SPTB: variants seen among roughly 807,000 people sequenced by gnomAD.
SPTB encodes the protein spectrin beta chain, erythrocytic.
In SPTB, 45 loss-of-function variants were observed where a neutral mutation model predicts 256.2. The observed-to-expected ratio is 0.18, with a 90% CI of 0.14 to 0.23. The LOEUF (loss-of-function observed/expected upper bound fraction) is 0.23, where lower values mean the gene tolerates loss of function less well. SPTB is among the 10% of genes least tolerant of loss of function. The pLI is 1.00. For synonymous variants in SPTB, 1,231 were observed against 1,243.1 expected (o/e 0.99, Z 0.21); for missense variants, 2,715 against 3,040.4 (o/e 0.89, Z 2.52).
At chr14:64,805,933 G>A (rs940663895) in intron 2 of SPTB, among the ~76,000 whole-genome samples, 3 of 152,166 alleles carry the variant, frequency 2.0e-5, no homozygotes, top group Non-Finnish European at 2.9e-5. Flanking sequence ...TCAGCCCTGG[G>A]AAGGTGACAT....
At chr14:64,877,699 T>G (rs920008720) in intron 1 of SPTB, among the ~76,000 whole-genome samples, 2 of 152,220 alleles carry the variant, frequency 1.3e-5, no homozygotes, top group Admixed American at 6.5e-5. Flanking sequence ...GAATAAAAGC[T>G]ATTATTATTT....
rs74666863 is a variant in SPTB, at chr14:64,801,792, C to A, written c.609G>T (p.Lys203Asn). Residue 203 changes from lysine to asparagine, a missense_variant, in exon 6 of 36, where the codon AAG becomes AAT. Transcript: ENST00000644917. ...VNVTNFTSSW[K>N]DGLAFNALIH... Reference sequence around the variant, plus strand: ...TCAGGGCATTAAAGGCCAAGCCATCCTTCCAGCTGGAGGTAAAGTTGGTGA... The same window carrying A: ...TCAGGGCATTAAAGGCCAAGCCATCATTCCAGCTGGAGGTAAAGTTGGTGA... 15 of 1,614,222 alleles carry A rather than the reference C, an allele frequency of 9.3e-6. No homozygotes were observed. The highest frequency in any genetic ancestry group is 1.2e-5 in the Non-Finnish European group (14 of 1,180,042).
intron 32 of SPTB, chr14:64,766,363 AGGAC>A (rs2082182176): frequency 1.6e-6 from 2 of 1,261,484 alleles, no homozygotes; most frequent in Non-Finnish European, 2.0e-6. Context: ...AATGGGGAAA[AGGAC>A]GGTGTACAGA....
Position 64,771,037 on chromosome 14 carries a change from A to C in SPTB, c.5646T>G (p.Ser1882=), listed in dbSNP as rs1376992583. The C allele has an allele frequency of 4.3e-6, 7 of 1,614,178 alleles. No individual in the cohort carries two copies. The highest frequency in any genetic ancestry group is 1.7e-6 in the Non-Finnish European group (2 of 1,180,048). ...CATCGAGCAGCGCCTGCCACGCGGC[A>C]GACACCTCCTGCTCCTTGTTCTGGA... ...EAIQNKEQEV[S]AAWQALLDAC... is the part of the protein sequence containing the mutation. The change falls in exon 27 of 36, where the codon TCT becomes TCG. Residue 1882 remains serine (S), a synonymous_variant. Transcript: ENST00000644917.
Position 64,795,300 on chromosome 14 carries a change from A to G in SPTB, c.1644+37T>C. On this transcript the variant is annotated intron_variant, in intron 12 of 35. Coordinates refer to ENST00000644917, the MANE Select transcript of SPTB (RefSeq NM_001355436.2). The surrounding 1 kb of genome is among the most constrained non-coding windows in gnomAD (Gnocchi z 6.5). Reference sequence around the variant, plus strand: ...AGGGCCACTGAGACCCAAGGTGAGCACTGCAGGGCATGGCGGGGGCGGCCC... The same window carrying G: ...AGGGCCACTGAGACCCAAGGTGAGCGCTGCAGGGCATGGCGGGGGCGGCCC... The G allele has an allele frequency of 1.2e-6, 2 of 1,602,632 alleles. No individual in the cohort carries two copies. The highest frequency in any genetic ancestry group is 1.7e-6 in the Non-Finnish European group (2 of 1,179,304).
rs1695769 is a variant in SPTB at position 64,748,447 on chromosome 14, G to A, written c.*859C>T. ...GGAGAGCCTTAGGCAGTGTTGTGAC[G>A]CACCTGTCACTCCTTCAGATCAGAG... On this transcript the variant is annotated 3_prime_UTR_variant, in exon 36 of 36. Transcript: ENST00000644917. 0.14 allele frequency: 21,356 copies of A among 152,244 alleles called. 1,749 individuals carry two copies. Among genetic ancestry groups the A allele is most frequent in the African/African-American group, 0.22 (9,256 of 41,466 alleles). 9.4% of individuals were successfully genotyped at this position (152,244 alleles called of 1,614,324 possible). A position where few individuals can be genotyped will look rare whatever the true frequency, so the allele number is the denominator to read the frequency against.
chr14:64,773,065 T>G, intron 25 of SPTB, 111 bp from the exon 26 acceptor site: 2 of 1,559,262 alleles, frequency 1.3e-6, no homozygotes, highest in Non-Finnish European at 1.7e-6. Flanking sequence ...GGAGCTGCGC[T>G]GTCACACCTT....
rs558689732 is a variant in SPTB at position 64,822,623 on chromosome 14, C to G, written c.148+324G>C. 3.3e-5 allele frequency among the ~76,000 whole-genome samples: 5 copies of G among 152,202 alleles called. No homozygotes were observed. In the South Asian group the frequency reaches 1.0e-3, roughly 32 times the overall value. On this transcript the variant is annotated intron_variant, in intron 2 of 35. Transcript: ENST00000644917. ...AACCAGGAGGCCCTGTGAACCTGCGCCCGGCTGTCCAGCCCTCAGACACTG... is the reference window on the plus strand; with the variant it reads ...AACCAGGAGGCCCTGTGAACCTGCGGCCGGCTGTCCAGCCCTCAGACACTG...
chr14:64,801,454 A>C, intron 6 of SPTB, 54 bp from the exon 7 acceptor site: 1 of 1,314,522 alleles, frequency 7.6e-7, no homozygotes, highest in Non-Finnish European at 1.1e-6. Flanking sequence ...CCCCACCAGG[A>C]GGGCAGCCCT....
Position 64,779,590 on chromosome 14 carries a change from A to T in SPTB, c.4473+135T>A. 1.1e-6 allele frequency: 1 copy of T among 920,052 alleles called. No individual in the cohort carries two copies. The highest frequency in any genetic ancestry group is 1.8e-6 in the Non-Finnish European group (1 of 559,540). The allele number at this position is 920,052 out of a possible 1,614,324, so 57.0% of individuals were successfully genotyped here. ...GAGCTTTCCATTTAATGTAATCCTCACAAGAACCCTATGAGATAAGGGGTG... is the reference window on the plus strand; with the variant it reads ...GAGCTTTCCATTTAATGTAATCCTCTCAAGAACCCTATGAGATAAGGGGTG... On this transcript the variant is annotated intron_variant, in intron 21 of 35. Coordinates refer to ENST00000644917, the MANE Select transcript of SPTB (RefSeq NM_001355436.2). This position sits in a 1 kb window ranked among gnomAD's most constrained non-coding sequence, Gnocchi z 4.2.
chr14:64,879,104 G>A (rs190692701), intron 1 of SPTB, among the ~76,000 whole-genome samples: 57 of 152,336 alleles, frequency 3.7e-4, no homozygotes, highest in Admixed American at 1.6e-3. Context: ...AGGAGGGTGA[G>A]GGTAGAGTAG....
intron 12 of SPTB, among the ~76,000 whole-genome samples, chr14:64,794,870 G>T (rs1006085013): frequency 6.6e-6 from 1 of 152,194 alleles, no homozygotes; most frequent in Non-Finnish European, 1.5e-5. Flanking sequence ...TCGGTCTCAG[G>T]GTTGGGGCCT....
intron 1 of SPTB, among the ~76,000 whole-genome samples, chr14:64,831,717 G>T (rs1418518536): frequency 6.6e-6 from 1 of 152,214 alleles, no homozygotes; most frequent in Non-Finnish European, 1.5e-5. Flanking sequence ...TGATTGTGGT[G>T]GCGGGGAGGT....
At chr14:64,879,665 C>G (rs1209042877) in intron 1 of SPTB, 127 bp downstream of exon 1, 1 of 152,354 alleles carries the variant, frequency 6.6e-6, no homozygotes, top group Non-Finnish European at 1.5e-5. Context: ...GGACTCCCAC[C>G]CGGTCCTCTG....
At position 64,791,652 on chromosome 14, in the gene SPTB, C is replaced by T. The variant is rs145987112; in HGVS notation, c.2804+67G>A. ...TACTAGGTGGACTAAATTTTGGGCC[C>T]GGCCCCCAGCAGTGTGTCAGATGTT... On this transcript the variant is annotated intron_variant, in intron 15 of 35. Transcript: ENST00000644917. 3,414 of 1,599,418 alleles carry T rather than the reference C, an allele frequency of 2.1e-3. 3 individuals are homozygous for T. The highest frequency in any genetic ancestry group is 2.7e-3 in the Non-Finnish European group (3,104 of 1,169,020).
chr14:64,770,716 C>T (rs2082266983), intron 27 of SPTB, among the ~76,000 whole-genome samples, 169 bp downstream of exon 27: 1 of 152,204 alleles, frequency 6.6e-6, no homozygotes, highest in Non-Finnish European at 1.5e-5. Context: ...CTGACCCAGG[C>T]CATTTCTGCC....
intron 1 of SPTB, among the ~76,000 whole-genome samples, chr14:64,840,082 A>T (rs1183992817): frequency 2.6e-5 from 4 of 152,244 alleles, no homozygotes; most frequent in African/African-American, 9.6e-5. Context: ...TTTCAGTTTC[A>T]GTTAAACAAA....
intron 32 of SPTB, among the ~76,000 whole-genome samples, chr14:64,765,704 C>T (rs2082159217): frequency 6.6e-6 from 1 of 152,238 alleles, no homozygotes; most frequent in South Asian, 2.1e-4. Context: ...GGAGAGGGCT[C>T]TGCATAGGGG....
chr14:64,831,193 C>T (rs530495255), intron 1 of SPTB, among the ~76,000 whole-genome samples: 1 of 152,322 alleles, frequency 6.6e-6, no homozygotes, highest in East Asian at 1.9e-4. Flanking sequence ...ACCAACCTCA[C>T]TGTCACTGCC....
Sources: allele counts gnomAD v4.1 joint callset (sites outside exome capture counted in the v4.1 genomes callset), GRCh38; gene constraint gnomAD v4.1.1; non-coding constraint Gnocchi (gnomAD v3.1); transcripts MANE v1.5; gene names NCBI Gene and HGNC (gene_info 2026-07-23, HGNC 2026-07-21).